The following XPR1 variants were observed in gnomAD, a reference collection of about 807,000 sequenced individuals.
XPR1 encodes solute carrier family 53 member 1.
A neutral mutation model predicts 87.5 loss-of-function variants in XPR1; 28 were observed. The observed-to-expected ratio is 0.32, with a 90% confidence interval of 0.24 to 0.44. XPR1 has a LOEUF of 0.44. Among genes scored for constraint, XPR1 ranks in the 20% least tolerant of loss-of-function variants. XPR1 has a pLI of 1.00. For synonymous variants in XPR1, 300 were observed against 306.1 expected (o/e 0.98, Z 0.21); for missense variants, 559 against 862.3 (o/e 0.65, Z 4.41).
chr1:180,651,075 G>T (rs1239055974), intron 1 of XPR1, among the ~76,000 whole-genome samples: 1 of 151,678 alleles, frequency 6.6e-6, no homozygotes, highest in Non-Finnish European at 1.5e-5. Flanking sequence ...CTTGGAAACT[G>T]AATGATAGTA....
intron 2 of XPR1, among the ~76,000 whole-genome samples, chr1:180,781,405 A>G (rs997541842): frequency 6.6e-6 from 1 of 152,100 alleles, no homozygotes; most frequent in South Asian, 2.1e-4. Context: ...AAGATATTTG[A>G]TGGTGTTGAT....
At chr1:180,641,634 G>C (rs1654964789) in intron 1 of XPR1, among the ~76,000 whole-genome samples, 1 of 152,174 alleles carries the variant, frequency 6.6e-6, no homozygotes, top group South Asian at 2.1e-4. Context: ...AATGGCTTAA[G>C]TGAGTTGCTT....
At chr1:180,874,772 A>G (rs1652608764) in intron 13 of XPR1, among the ~76,000 whole-genome samples, 1 of 152,192 alleles carries the variant, frequency 6.6e-6, no homozygotes, top group Admixed American at 6.5e-5. Flanking sequence ...GCCCCAAGAT[A>G]AACAGAGCAC....
At chr1:180,646,430 A>G (rs980805872) in intron 1 of XPR1, among the ~76,000 whole-genome samples, 2 of 151,418 alleles carry the variant, frequency 1.3e-5, no homozygotes, top group African/African-American at 4.9e-5. Flanking sequence ...CTTGTCTTTT[A>G]ATGTAGGGTG....
intron 2 of XPR1, among the ~76,000 whole-genome samples, chr1:180,745,462 C>G (rs2102029018): frequency 6.6e-6 from 1 of 152,292 alleles, no homozygotes; most frequent in East Asian, 1.9e-4. Flanking sequence ...TACTTCGCTG[C>G]TGTAAGAAGA....
intron 1 of XPR1, among the ~76,000 whole-genome samples, chr1:180,678,977 C>CCT (rs1656463789): frequency 6.6e-6 from 1 of 151,800 alleles, no homozygotes; most frequent in African/African-American, 2.4e-5. Flanking sequence ...GGGTGGATCA[C>CCT]GAGGTCAGGA....
At chr1:180,651,311 C>T (rs184897661) in intron 1 of XPR1, among the ~76,000 whole-genome samples, 10 of 152,138 alleles carry the variant, frequency 6.6e-5, no homozygotes, top group African/African-American at 2.2e-4. Context: ...AGGCTGGTCT[C>T]GAACTCCTGA....
At chr1:180,673,210 T>C (rs550405866) in intron 1 of XPR1, among the ~76,000 whole-genome samples, 1 of 152,326 alleles carries the variant, frequency 6.6e-6, no homozygotes, top group South Asian at 2.1e-4. Context: ...ATATGGGTTA[T>C]TAAAAATGAA....
intron 2 of XPR1, among the ~76,000 whole-genome samples, chr1:180,713,289 A>T (rs1356547533): frequency 6.6e-6 from 1 of 152,056 alleles, no homozygotes; most frequent in African/African-American, 2.4e-5. Flanking sequence ...CCAATTGTTC[A>T]TTGCTATTAT....
At chr1:180,816,064 C>A (rs760278916) in intron 7 of XPR1, among the ~76,000 whole-genome samples, 5 of 152,010 alleles carry the variant, frequency 3.3e-5, no homozygotes, top group Non-Finnish European at 7.4e-5. Context: ...CAGTGGAATA[C>A]CATGGAGATA....
At position 180,836,757 on chromosome 1, in the gene XPR1, G is replaced by A. The variant is rs755529643; in HGVS notation, c.1501+41G>A. The A allele has an allele frequency of 1.0e-5, 16 of 1,596,412 alleles. No homozygotes were observed. In the Admixed American group the frequency reaches 2.5e-4, roughly 25 times the overall value. On this transcript the variant is annotated intron_variant, in intron 11 of 14. Transcript: ENST00000367590. ...CTCTGAAGAGATTTTTTTAAACCTG[G>A]ATTTTTACTACCTGACTCTATTTCT...
intron 2 of XPR1, among the ~76,000 whole-genome samples, chr1:180,713,136 T>C (rs1657862780): frequency 6.6e-6 from 1 of 152,064 alleles, no homozygotes; most frequent in East Asian, 1.9e-4. Flanking sequence ...GAGTAAGGTA[T>C]ATATTTCTCT....
chr1:180,878,981 C>T (rs1394062712), intron 13 of XPR1, among the ~76,000 whole-genome samples: 1 of 152,174 alleles, frequency 6.6e-6, no homozygotes, highest in East Asian at 1.9e-4. Flanking sequence ...ATAAACTTTC[C>T]CTTGAACTGC....
At chr1:180,822,226 G>A (rs942792676) in intron 7 of XPR1, among the ~76,000 whole-genome samples, 3 of 152,158 alleles carry the variant, frequency 2.0e-5, no homozygotes, top group African/African-American at 7.2e-5. Context: ...CTGCTGACCA[G>A]TTCTTTACCA....
intron 2 of XPR1, among the ~76,000 whole-genome samples, chr1:180,755,411 CTGT>C (rs1393837026): frequency 6.6e-6 from 1 of 152,212 alleles, no homozygotes; most frequent in Non-Finnish European, 1.5e-5. Context: ...ACTCAGGATA[CTGT>C]ATGTAGCTGA....
chr1:180,689,622 A>G lies in XPR1; in HGVS notation c.121+7211A>G, dbSNP rs1384890728. On this transcript the variant is annotated intron_variant, in intron 2 of 14. Transcript: ENST00000367590. Reference sequence around the variant, plus strand: ...AGTAAAACTAGAGTAAATTTAATACATAGAATAGATACCATGAGGATTCTG... The same window carrying G: ...AGTAAAACTAGAGTAAATTTAATACGTAGAATAGATACCATGAGGATTCTG... Among the ~76,000 whole-genome samples, 8 of 152,206 alleles carry G rather than the reference A, an allele frequency of 5.3e-5. No individual in the cohort carries two copies. The East Asian group carries it at 1.2e-3, about 22-fold the overall frequency.
intron 11 of XPR1, among the ~76,000 whole-genome samples, chr1:180,853,724 G>A (rs533548059): frequency 6.8e-6 from 1 of 147,750 alleles, no homozygotes; most frequent in Non-Finnish European, 1.5e-5. Context: ...GCATGGTATT[G>A]CTAGCTGCTA....
intron 1 of XPR1, among the ~76,000 whole-genome samples, chr1:180,659,233 C>T (rs1325809494): frequency 7.4e-5 from 2 of 27,120 alleles, no homozygotes; most frequent in Non-Finnish European, 1.9e-4. Context: ...TTCCTTCCTT[C>T]CTTCCTTCCT....
At chr1:180,742,397 A>G (rs1322987747) in intron 2 of XPR1, among the ~76,000 whole-genome samples, 2 of 152,176 alleles carry the variant, frequency 1.3e-5, no homozygotes, top group Admixed American at 6.5e-5. Flanking sequence ...TGGATTATAT[A>G]GAAGTGTGTT....
Sources: allele counts gnomAD v4.1 joint callset (sites outside exome capture counted in the v4.1 genomes callset), GRCh38; gene constraint gnomAD v4.1.1; transcripts MANE v1.5; gene names NCBI Gene and HGNC (gene_info 2026-07-23, HGNC 2026-07-21).